SORCS1: variants seen among roughly 807,000 people sequenced by gnomAD.
SORCS1 encodes the protein sortilin related VPS10 domain containing receptor 1.
SORCS1 carries 60 observed loss-of-function variants against 146.1 expected under a neutral mutation model. That is an observed-to-expected ratio of 0.41 (90% CI 0.33 to 0.51). The LOEUF (loss-of-function observed/expected upper bound fraction) is 0.51. SORCS1 is among the 20% of genes least tolerant of loss of function. The pLI is 0.21. For missense variants in SORCS1, 1,352 were observed against 1,487.6 expected, an observed-to-expected ratio of 0.91 and a Z score of 1.50; for synonymous variants, 637 against 584.0, an observed-to-expected ratio of 1.09 and a Z score of -1.31.
intron 18 of SORCS1, among the ~76,000 whole-genome samples, chr10:106,650,575 A>G (rs1005729748): frequency 6.6e-6 from 1 of 152,040 alleles, no homozygotes; most frequent in Admixed American, 6.5e-5. Flanking sequence ...CTGGGACATG[A>G]CCTCATCAGT....
chr10:106,577,220 T>C lies in SORCS1; in HGVS notation c.*200A>G. The C allele has an allele frequency of 6.3e-7, 1 of 1,578,498 alleles. No homozygotes were observed. The highest frequency in any genetic ancestry group is 8.6e-7 in the Non-Finnish European group (1 of 1,159,372). ...TTTGTTTTTTTACTGGCGTCCTCCA[T>C]TCAAACATTTACATAGGTAGGGATT... On this transcript the variant is annotated 3_prime_UTR_variant, in exon 26 of 26. Transcript: ENST00000263054.
intron 2 of SORCS1, among the ~76,000 whole-genome samples, chr10:106,881,096 AAAG>A (rs1490599352): frequency 7.3e-5 from 11 of 151,508 alleles, no homozygotes; most frequent in African/African-American, 2.7e-4. Flanking sequence ...AAAAAAAAAA[AAAG>A]AAGCAGAATA....
intron 14 of SORCS1, among the ~76,000 whole-genome samples, chr10:106,673,553 A>C (rs1851775417): frequency 6.6e-6 from 1 of 152,240 alleles, no homozygotes; most frequent in African/African-American, 2.4e-5. Context: ...AGAGTATTTA[A>C]TTCAAGAGCC....
At chr10:106,752,328 C>A (rs10748925) in intron 5 of SORCS1, among the ~76,000 whole-genome samples, 69,193 of 151,562 alleles carry the variant, frequency 0.46, 15,995 homozygotes, top group African/African-American at 0.55. Flanking sequence ...CTTTCGTATA[C>A]GGCCAGAAAG....
At chr10:106,733,038 G>T (rs566736995) in intron 5 of SORCS1, among the ~76,000 whole-genome samples, 1 of 151,370 alleles carries the variant, frequency 6.6e-6, no homozygotes, top group Non-Finnish European at 1.5e-5. Flanking sequence ...AACCTGGGAG[G>T]TGGAGGTTGC....
At chr10:106,853,406 T>G (rs1949665046) in intron 2 of SORCS1, among the ~76,000 whole-genome samples, 1 of 151,878 alleles carries the variant, frequency 6.6e-6, no homozygotes, top group South Asian at 2.1e-4. Context: ...GATTTTTTTT[T>G]TTTTCCAAAA....
chr10:107,136,209 T>G lies in SORCS1; in HGVS notation c.558+27760A>C, dbSNP rs377301741. Among the ~76,000 whole-genome samples, 85 of 152,196 alleles carry G rather than the reference T, an allele frequency of 5.6e-4. 1 individual carries two copies. The South Asian group carries it at 0.017, about 31-fold the overall frequency. On this transcript the variant is annotated intron_variant, in intron 1 of 25. Coordinates refer to ENST00000263054, the MANE Select transcript of SORCS1 (RefSeq NM_052918.5). ...TTGAGAAATCCATTTACGCAAAACT[T>G]AGGAGGACGTTTTTCACCAAAGACT... is the stretch of plus-strand genomic sequence containing the variant.
chr10:106,935,516 C>T (rs1953669677), intron 2 of SORCS1, among the ~76,000 whole-genome samples: 1 of 152,030 alleles, frequency 6.6e-6, no homozygotes, highest in African/African-American at 2.4e-5. Flanking sequence ...AAAAAAAATT[C>T]CTAGAAGAAA....
chr10:107,090,751 G>T (rs2134306251), intron 1 of SORCS1, among the ~76,000 whole-genome samples: 1 of 152,282 alleles, frequency 6.6e-6, no homozygotes, highest in East Asian at 1.9e-4. Context: ...TTGAACCAAA[G>T]CCCTTATTTT....
At chr10:106,849,582 A>C (rs1949457284) in intron 2 of SORCS1, among the ~76,000 whole-genome samples, 1 of 151,300 alleles carries the variant, frequency 6.6e-6, no homozygotes, top group African/African-American at 2.4e-5. Context: ...TTCCTCTCTC[A>C]GCTCGTCAAA....
chr10:106,954,427 T>G (rs1010269711), intron 2 of SORCS1, among the ~76,000 whole-genome samples: 1 of 152,068 alleles, frequency 6.6e-6, no homozygotes, highest in African/African-American at 2.4e-5. Flanking sequence ...GCACAAAAAA[T>G]TATACTTTTA....
chr10:107,034,599 G>A (rs2051054337), intron 1 of SORCS1, among the ~76,000 whole-genome samples: 1 of 135,066 alleles, frequency 7.4e-6, no homozygotes, highest in South Asian at 2.5e-4. Context: ...AGAATTGCTT[G>A]AACCTGGGAG....
At chr10:107,039,281 T>C (rs1459419966) in intron 1 of SORCS1, among the ~76,000 whole-genome samples, 3 of 143,172 alleles carry the variant, frequency 2.1e-5, no homozygotes, top group Non-Finnish European at 4.5e-5. Context: ...TGAGCGTAGA[T>C]CGCGTCACTG....
chr10:106,720,062 C>A (rs1855674716), intron 6 of SORCS1, among the ~76,000 whole-genome samples: 1 of 152,224 alleles, frequency 6.6e-6, no homozygotes, highest in South Asian at 2.1e-4. Context: ...GGCCCTCTTT[C>A]TCTGATCACT....
At chr10:106,804,308 G>C (rs1481773304) in intron 3 of SORCS1, among the ~76,000 whole-genome samples, 1 of 149,832 alleles carries the variant, frequency 6.7e-6, no homozygotes, top group Non-Finnish European at 1.5e-5. Context: ...ACTCTAGACT[G>C]GTTACAGAGT....
At chr10:106,944,865 AAG>A (rs1954233778) in intron 2 of SORCS1, among the ~76,000 whole-genome samples, 5 of 82,654 alleles carry the variant, frequency 6.0e-5, no homozygotes, top group African/African-American at 1.7e-4. Flanking sequence ...AGAAGCAAGA[AAG>A]AGCCTTCTTT....
intron 6 of SORCS1, among the ~76,000 whole-genome samples, chr10:106,719,259 C>T (rs1855611075): frequency 6.6e-6 from 1 of 152,130 alleles, no homozygotes; most frequent in Non-Finnish European, 1.5e-5. Flanking sequence ...TTTCCAGTTT[C>T]TTCTCCAGGT....
At chr10:106,713,452 C>T (rs1030540874) in intron 6 of SORCS1, among the ~76,000 whole-genome samples, 1 of 145,544 alleles carries the variant, frequency 6.9e-6, no homozygotes, top group Non-Finnish European at 1.5e-5. Context: ...TTCCTTAAGA[C>T]CCTGTACAAA....
chr10:106,884,343 C>A (rs1052050657), intron 2 of SORCS1, among the ~76,000 whole-genome samples: 2 of 152,186 alleles, frequency 1.3e-5, no homozygotes, highest in African/African-American at 4.8e-5. Context: ...AACCACCTTT[C>A]TCTGGAAGCA....
Sources: allele counts gnomAD v4.1 joint callset (sites outside exome capture counted in the v4.1 genomes callset), GRCh38; gene constraint gnomAD v4.1.1; transcripts MANE v1.5; gene names NCBI Gene and HGNC (gene_info 2026-07-23, HGNC 2026-07-21).